The following ADAD2 variants were observed in gnomAD, a reference collection of about 807,000 sequenced individuals.
ADAD2 encodes adenosine deaminase domain-containing protein 2.
A neutral mutation model predicts 54.5 loss-of-function variants in ADAD2; 60 were observed. The observed-to-expected ratio is 1.10, with a 90% CI of 0.89 to 1.36. The LOEUF (loss-of-function observed/expected upper bound fraction) is 1.36, where lower values mean the gene tolerates loss of function less well. Ranked by LOEUF, ADAD2 falls within the 40% of genes most tolerant of loss-of-function variation. The pLI is 0.00. For missense variants in ADAD2, 1,103 were observed against 801.3 expected, an observed-to-expected ratio of 1.38 and a Z score of -4.54; for synonymous variants, 543 against 366.2, an observed-to-expected ratio of 1.48 and a Z score of -5.51.
chr16:84,196,461 G>T (rs889985921), intron 8 of ADAD2, 91 bp downstream of exon 8: 2 of 1,438,938 alleles, frequency 1.4e-6, no homozygotes, highest in African/African-American at 2.7e-5. Flanking sequence ...TAATCCCAGC[G>T]CAACCCCTTC....
In ADAD2 at chr16:84,191,505, G is replaced by C. The variant is rs1201893554; in HGVS notation, c.275G>C (p.Gly92Ala). 9 of 1,543,118 alleles carry C rather than the reference G, an allele frequency of 5.8e-6. No individual in the cohort carries two copies. Among genetic ancestry groups the C allele is most frequent in the Non-Finnish European group, 7.9e-6 (9 of 1,146,048 alleles). The change falls in exon 1 of 10, where the codon GGG (glycine) becomes GCG (alanine). Residue 92 changes from glycine to alanine, a missense_variant. Gly to Ala is a moderately conservative substitution (Grantham distance 60, BLOSUM62 0). Coordinates refer to ENST00000315906, the MANE Select transcript of ADAD2 (RefSeq NM_001145400.2). Reference protein sequence around the residue: ...RAWENLGEQMGKAPRVPVPPA... With the variant: ...RAWENLGEQMAKAPRVPVPPA... The stretch of plus-strand genomic sequence containing the variant: ...TGGGAAAACTTGGGGGAACAGATGG[G>C]GAAGGCCCCGAGGGTCCCTGTGCCC...
intron 1 of ADAD2, among the ~76,000 whole-genome samples, chr16:84,192,201 G>C (rs1309438496): frequency 6.6e-6 from 1 of 152,180 alleles, no homozygotes; most frequent in East Asian, 1.9e-4. Context: ...CTGGAATGCG[G>C]TGGAACAAGC....
intron 1 of ADAD2, 85 bp downstream of exon 1, chr16:84,191,733 G>A (rs2089658099): frequency 6.5e-7 from 1 of 1,527,868 alleles, no homozygotes; most frequent in African/African-American, 1.4e-5. Flanking sequence ...GGGGGTCTGG[G>A]GAAGGTGGAC....
At position 84,191,587 on chromosome 16, in the gene ADAD2, G is replaced by A; in HGVS notation, c.357G>A (p.Leu119=). 6.4e-7 allele frequency: 1 copy of A among 1,550,582 alleles called. No individual in the cohort carries two copies. The highest frequency in any genetic ancestry group is 8.7e-7 in the Non-Finnish European group (1 of 1,147,368). Residue 119 remains leucine, a synonymous_variant, in exon 1 of 10, where the codon TTG becomes TTA. Coordinates refer to ENST00000315906, the MANE Select transcript of ADAD2 (RefSeq NM_001145400.2). ...CACCTGCCAGCCAGGCCGTGTCCTT[G>A]CTCACGGAGTACGCGGCCAGCCTGG... ...KDPPASQAVS[L]LTEYAASLGI...
At position 84,196,194 on chromosome 16, in the gene ADAD2, C is replaced by A; in HGVS notation, c.1350C>A (p.Val450=). The A allele has an allele frequency of 6.2e-7, 1 of 1,609,652 alleles. No homozygotes were observed. Among genetic ancestry groups the A allele is most frequent in the Non-Finnish European group, 8.5e-7 (1 of 1,179,898 alleles). The change falls in exon 8 of 10, where the codon GTC becomes GTA. Residue 450 remains valine, a synonymous_variant. Transcript: ENST00000315906. ...AIHTRPCLDS[V]LGPCLPPPYV... is the part of the protein sequence containing the mutation. ...ACACCCGGCCCTGCCTGGACAGTGT[C>A]CTGGGGCCATGCCTGCCACCTCCCT...
Position 84,191,321 on chromosome 16 carries a change from C to T in ADAD2, c.91C>T (p.Pro31Ser). The change falls in exon 1 of 10, where the codon CCC becomes TCC. Residue 31 changes from proline (P) to serine (S), a missense_variant. Transcript: ENST00000315906. ...ASLQISPQPR[P>S]WRPLPAQAQS... ...GTTGCAGATCAGCCCCCAGCCCCGC[C>T]CCTGGCGACCGCTACCCGCCCAGGC... 10 of 1,586,060 alleles carry T rather than the reference C, an allele frequency of 6.3e-6. No individual in the cohort carries two copies. The highest frequency in any genetic ancestry group is 8.6e-6 in the Non-Finnish European group (10 of 1,166,148).
intron 7 of ADAD2, 27 bp from the exon 8 acceptor site, chr16:84,196,100 C>G (rs367986187): frequency 4.4e-5 from 70 of 1,600,106 alleles, no homozygotes; most frequent in Non-Finnish European, 5.7e-5. Context: ...AGGTCACTCA[C>G]CTTGTCCTGT....
At chr16:84,195,766 G>A (rs1278758438) in intron 6 of ADAD2, 49 bp from the exon 7 acceptor site, 1 of 1,549,088 alleles carries the variant, frequency 6.5e-7, no homozygotes, top group Non-Finnish European at 8.7e-7. Flanking sequence ...GGGGGCCAGG[G>A]TCAGAAGAGC....
At chr16:84,195,771 A>G in intron 6 of ADAD2, 44 bp from the exon 7 acceptor site, 2 of 1,551,674 alleles carry the variant, frequency 1.3e-6, no homozygotes, top group Non-Finnish European at 1.7e-6. Flanking sequence ...CCAGGGTCAG[A>G]AGAGCAGCCC....
intron 1 of ADAD2, among the ~76,000 whole-genome samples, chr16:84,192,212 T>C (rs1284217066): frequency 6.6e-6 from 1 of 152,200 alleles, no homozygotes; most frequent in African/African-American, 2.4e-5. Context: ...TGGAACAAGC[T>C]TGCCTCACTG....
rs1481340731 is a variant in ADAD2 at position 84,196,388 on chromosome 16, G to C, written c.1526+18G>C. On this transcript the variant is annotated intron_variant, in intron 8 of 9. Transcript: ENST00000315906. ...AAGGCCAAGTGAGAAGGGCCCCCTG[G>C]GGCCGGGCTGTGGAGCAGTGCTGGT... is the stretch of plus-strand genomic sequence containing the variant. 20 of 1,603,612 alleles carry C rather than the reference G, an allele frequency of 1.2e-5. No homozygotes were observed. The highest frequency in any genetic ancestry group is 1.7e-5 in the Non-Finnish European group (20 of 1,175,492).
rs1400089613 is a variant in ADAD2 at position 84,195,348 on chromosome 16, G to T, written c.786G>T (p.Leu262=). The T allele has an allele frequency of 3.7e-6, 6 of 1,609,906 alleles. No homozygotes were observed. In the African/African-American group the frequency reaches 4.0e-5, roughly 11 times the overall value. The change falls in exon 5 of 10, where the codon CTG becomes CTT. Residue 262 remains leucine (L), a synonymous_variant. Coordinates refer to ENST00000315906, the MANE Select transcript of ADAD2 (RefSeq NM_001145400.2). The stretch of plus-strand genomic sequence containing the variant: ...AGGAGATCTACAAGCTGGTGGCTCT[G>T]GGCACCGGCAGCAGCTGCTGTGCTG... ...HVKEIYKLVA[L]GTGSSCCAGW...
In ADAD2 at chr16:84,191,656, C is replaced by T. The variant is rs751142260; in HGVS notation, c.418+8C>T. ...GGGAGGACCAGCCACCAGGTGAGGC[C>T]GGGCCGGGGCATGGCTGTGCCAGAG... On this transcript the variant is annotated splice_region_variant and intron_variant, in intron 1 of 9. Coordinates refer to ENST00000315906, the MANE Select transcript of ADAD2 (RefSeq NM_001145400.2). 11 of 1,555,250 alleles carry T rather than the reference C, an allele frequency of 7.1e-6. No homozygotes were observed. Among genetic ancestry groups the T allele is most frequent in the Admixed American group, 3.8e-5 (2 of 52,236 alleles).
rs1424754092 is a variant in ADAD2 at position 84,195,832 on chromosome 16, A to C, written c.1070A>C (p.Glu357Ala). ...ARDIYLPPTS[E>A]GGLPHSPPMR... Reference sequence around the variant, plus strand: ...GCCCGCAGCCTGCCCCCCACCTCGGAAGGTGGCCTCCCGCACAGCCCACCC... The same window carrying C: ...GCCCGCAGCCTGCCCCCCACCTCGGCAGGTGGCCTCCCGCACAGCCCACCC... Residue 357 changes from glutamate to alanine, a missense_variant, in exon 7 of 10, where the codon GAA (glutamate) becomes GCA (alanine). Glu to Ala is a moderately radical substitution (Grantham distance 107). Transcript: ENST00000315906. 2 of 1,604,500 alleles carry C rather than the reference A, an allele frequency of 1.2e-6. No homozygotes were observed. Among genetic ancestry groups the C allele is most frequent in the Non-Finnish European group, 1.7e-6 (2 of 1,176,936 alleles).
intron 1 of ADAD2, chr16:84,192,585 G>A (rs1292487818): frequency 6.6e-6 from 1 of 152,428 alleles, no homozygotes; most frequent in Non-Finnish European, 1.5e-5. Context: ...TTGTGGCCCA[G>A]GCTGGAGTTC....
chr16:84,196,458 AGC>A, intron 8 of ADAD2, 88 bp downstream of exon 8: 2 of 1,548,988 alleles, frequency 1.3e-6, no homozygotes, highest in Non-Finnish European at 1.7e-6. Context: ...GTCTAATCCC[AGC>A]GCAACCCCTT....
Position 84,196,242 on chromosome 16 carries a change from G to A in ADAD2, c.1398G>A (p.Leu466=). 1 of 1,612,342 alleles carries A rather than the reference G, an allele frequency of 6.2e-7. No individual in the cohort carries two copies. The highest frequency in any genetic ancestry group is 8.5e-7 in the Non-Finnish European group (1 of 1,179,946). ...CCTACGTCCGGACCGCCCTGCACCT[G>A]TTTGCAGGGCCCCCGGTGGCCCCTT... ...PPPYVRTALH[L]FAGPPVAPSE... Residue 466 remains leucine (L), a synonymous_variant, in exon 8 of 10, where the codon CTG becomes CTA. Transcript: ENST00000315906.
chr16:84,194,061 G>T, intron 1 of ADAD2: 1 of 1,611,420 alleles, frequency 6.2e-7, no homozygotes, highest in Non-Finnish European at 8.5e-7. Context: ...CAATGTGTCT[G>T]TGGCAGGTGG....
At chr16:84,193,539 G>A (rs888630158) in intron 1 of ADAD2, 7 of 155,786 alleles carry the variant, frequency 4.5e-5, no homozygotes, top group African/African-American at 1.7e-4. Context: ...GGCGATGCGA[G>A]CTGTGGGGAT....
Sources: gnomAD v4.1 joint callset for allele counts (sites outside exome capture counted in the v4.1 genomes callset) on GRCh38, gnomAD v4.1.1 for gene constraint, MANE v1.5 for transcripts, NCBI Gene and HGNC (gene_info 2026-07-23, HGNC 2026-07-21) for gene names.